Variants in PKP2 observed in about 807,000 individuals in gnomAD.
PKP2 encodes the protein plakophilin-2.
In PKP2, 73 loss-of-function variants were observed where a neutral mutation model predicts 83.4. That is an observed-to-expected ratio of 0.88 (90% CI 0.72 to 1.06). The LOEUF is 1.06. Among genes scored for constraint, PKP2 ranks in the 50% least tolerant of loss-of-function variants. The pLI is 0.00. For missense variants in PKP2, 966 were observed against 1,065.4 expected (o/e 0.91, Z 1.30); for synonymous variants, 409 against 430.4 (o/e 0.95, Z 0.62).
At chr12:32,874,100 T>C (rs1243900564) in intron 3 of PKP2, among the ~76,000 whole-genome samples, 5 of 152,224 alleles carry the variant, frequency 3.3e-5, no homozygotes, top group Non-Finnish European at 5.9e-5. Context: ...GCCAGGTCCA[T>C]TGTTTAATAC....
intron 9 of PKP2, among the ~76,000 whole-genome samples, chr12:32,816,246 TTCTTGTAG>T (rs1283348110): frequency 6.6e-6 from 1 of 152,122 alleles, no homozygotes; most frequent in Non-Finnish European, 1.5e-5. Context: ...TCTCTCCCTC[TTCTTGTAG>T]TCCCCAGTGT....
intron 6 of PKP2, among the ~76,000 whole-genome samples, chr12:32,840,315 T>C (rs1455637896): frequency 6.6e-6 from 1 of 152,186 alleles, no homozygotes; most frequent in Non-Finnish European, 1.5e-5. Context: ...TTTATATTTT[T>C]TGAGACAGGG....
At chr12:32,840,009 T>C (rs936714075) in intron 6 of PKP2, among the ~76,000 whole-genome samples, 2 of 152,234 alleles carry the variant, frequency 1.3e-5, no homozygotes, top group Non-Finnish European at 2.9e-5. Context: ...TGGTCCTTTG[T>C]TCTGCATTCC....
chr12:32,848,781 C>T (rs1337558221), intron 5 of PKP2, among the ~76,000 whole-genome samples: 1 of 151,972 alleles, frequency 6.6e-6, no homozygotes, highest in Non-Finnish European at 1.5e-5. Flanking sequence ...GAACACGTAA[C>T]CCCAAATCTA....
At chr12:32,861,428 GA>G (rs746693469) in intron 4 of PKP2, among the ~76,000 whole-genome samples, 11 of 151,952 alleles carry the variant, frequency 7.2e-5, no homozygotes, top group South Asian at 2.1e-4. Context: ...AATGTATGAA[GA>G]AAAAATACAC....
chr12:32,792,768 G>A (rs1456795079), intron 11 of PKP2, 37 bp from the exon 12 acceptor site: 5 of 1,543,682 alleles, frequency 3.2e-6, no homozygotes, highest in Non-Finnish European at 4.5e-6. Context: ...CAGGGAGAAT[G>A]AGTGAGGCTT....
At chr12:32,855,748 C>T (rs1281861298) in intron 4 of PKP2, among the ~76,000 whole-genome samples, 1 of 131,952 alleles carries the variant, frequency 7.6e-6, no homozygotes, top group Non-Finnish European at 1.5e-5. Context: ...TGCACTCCAG[C>T]CTGGGCGACA....
At chr12:32,803,504 G>A (rs559025869) in intron 9 of PKP2, among the ~76,000 whole-genome samples, 33 of 152,224 alleles carry the variant, frequency 2.2e-4, no homozygotes, top group African/African-American at 7.0e-4. Context: ...TTCACTTTTA[G>A]AATCAAGGTT....
intron 7 of PKP2, 87 bp from the exon 8 acceptor site, chr12:32,822,718 C>A: frequency 7.0e-7 from 1 of 1,435,814 alleles, no homozygotes. Context: ...TTAGCTCTTA[C>A]AAGGTTTACC....
At chr12:32,883,323 T>C (rs539766908) in intron 1 of PKP2, among the ~76,000 whole-genome samples, 1 of 152,328 alleles carries the variant, frequency 6.6e-6, no homozygotes, top group African/African-American at 2.4e-5. Context: ...GAGTTTGAGA[T>C]CAGTATGCTG....
intron 1 of PKP2, among the ~76,000 whole-genome samples, chr12:32,888,806 T>TG (rs975215566): frequency 2.4e-4 from 37 of 151,112 alleles, no homozygotes; most frequent in Non-Finnish European, 5.2e-4. Flanking sequence ...TTTTTTTTTT[T>TG]TTTTGAGACA....
chr12:32,819,336 T>TAAAAC (rs1956354149), intron 9 of PKP2, among the ~76,000 whole-genome samples: 1 of 151,168 alleles, frequency 6.6e-6, no homozygotes, highest in East Asian at 1.9e-4. Flanking sequence ...TAAAATAAAA[T>TAAAAC]AAAATAAAAT....
intron 1 of PKP2, among the ~76,000 whole-genome samples, chr12:32,879,775 A>C (rs1035934298): frequency 5.9e-5 from 9 of 151,306 alleles, no homozygotes; most frequent in African/African-American, 1.9e-4. Context: ...GGTTGCAGTG[A>C]AGCTGAGATT....
intron 6 of PKP2, among the ~76,000 whole-genome samples, chr12:32,832,761 T>A (rs1421031806): frequency 6.6e-6 from 1 of 152,204 alleles, no homozygotes. Context: ...TAGATTCTGA[T>A]TTTCAATAGT....
chr12:32,807,433 G>A (rs1956236416), intron 9 of PKP2, among the ~76,000 whole-genome samples: 1 of 152,162 alleles, frequency 6.6e-6, no homozygotes, highest in African/African-American at 2.4e-5. Flanking sequence ...TTGCATGTGA[G>A]ATGGGTCTCT....
At position 32,796,244 on chromosome 12, in the gene PKP2, G is replaced by A. The variant is rs1367391626; in HGVS notation, c.2222C>T (p.Thr741Ile). The change falls in exon 11 of 13, where the codon ACT becomes ATT. Residue 741 changes from threonine to isoleucine, a missense_variant. Physicochemically the swap from Thr to Ile is moderately conservative, Grantham distance 89. Coordinates refer to ENST00000340811, the MANE Select transcript of PKP2 (RefSeq NM_001005242.3). ...GGCTGTAGTTTCAATGAGAAGGTCA[G>A]TACTCGGGACTGTGTCAGGAATGAT... ...VSIIPDTVPS[T>I]DLLIETTASA... 1.9e-6 allele frequency: 3 copies of A among 1,613,312 alleles called. No individual in the cohort carries two copies. In the African/African-American group the frequency reaches 4.0e-5, roughly 22 times the overall value.
rs976196023 is a variant in PKP2 at position 32,793,744 on chromosome 12, T to C, written c.2358-1013A>G. ...CGAAGTAGCTGGGACTACAGGCGCA[T>C]GCCACCACGCCAGGCTAATTTTTTG... On this transcript the variant is annotated intron_variant, in intron 11 of 12. Transcript: ENST00000340811. 4.0e-5 allele frequency among the ~76,000 whole-genome samples: 6 copies of C among 149,368 alleles called. No individual in the cohort carries two copies. The East Asian group carries it at 1.0e-3, about 25-fold the overall frequency.
Position 32,822,616 on chromosome 12 carries a change from C to CA in PKP2, c.1689dup (p.Val564CysfsTer6), listed in dbSNP as rs397517010. 10 of 1,614,114 alleles carry CA rather than the reference C, an allele frequency of 6.2e-6. No individual in the cohort carries two copies. Among genetic ancestry groups the CA allele is most frequent in the Non-Finnish European group, 8.5e-6 (10 of 1,179,970 alleles). On this transcript the variant is annotated frameshift_variant, in exon 8 of 13. Transcript: ENST00000340811. LOFTEE classifies it high-confidence loss of function. ...TAGGAGAGGTTATGAAGAATGCACACACAATTCTCCGTGGCCTGAGAAAAC... is the reference window on the plus strand; with the variant it reads ...TAGGAGAGGTTATGAAGAATGCACACAACAATTCTCCGTGGCCTGAGAAAAC...
chr12:32,855,794 A>AAAG (rs1459718298), intron 4 of PKP2, among the ~76,000 whole-genome samples: 2 of 148,290 alleles, frequency 1.3e-5, no homozygotes, highest in African/African-American at 5.2e-5. Context: ...AAAAAAAAAA[A>AAAG]AGGAAGAAAA....
Sources: gnomAD v4.1 joint callset for allele counts (sites outside exome capture counted in the v4.1 genomes callset) on GRCh38, gnomAD v4.1.1 for gene constraint, MANE v1.5 for transcripts, NCBI Gene and HGNC (gene_info 2026-07-23, HGNC 2026-07-21) for gene names.